Variants in VPS13A observed in about 807,000 individuals in gnomAD.
VPS13A encodes vacuolar protein sorting 13 homolog A.
Under a neutral mutation model 390.9 loss-of-function variants are expected in VPS13A, and 264 were observed. The ratio of observed to expected loss-of-function variants is 0.68; its 90% CI spans 0.61 to 0.75. The LOEUF is 0.75. VPS13A is among the 30% of genes least tolerant of loss of function. The pLI is 0.00. For missense variants in VPS13A, 3,409 were observed against 3,733.9 expected (o/e 0.91, Z 2.27); for synonymous variants, 1,231 against 1,227.1 (o/e 1.00, Z -0.07).
At chr9:77,201,338 T>C (rs374994178) in intron 2 of VPS13A, 27 bp from the exon 3 acceptor site, 14 of 1,504,796 alleles carry the variant, frequency 9.3e-6, no homozygotes, top group Non-Finnish European at 1.3e-5. Flanking sequence ...TACTAATGTT[T>C]TGTGTATATA....
At position 77,339,489 on chromosome 9, in the gene VPS13A, G is replaced by GTTTTTT. The variant is rs765264048; in HGVS notation, c.6379-23_6379-22insTTTTTT. The GTTTTTT allele has an allele frequency of 7.5e-5, 84 of 1,122,182 alleles. 2 individuals carry two copies. The highest frequency in any genetic ancestry group is 3.1e-4 in the South Asian group (18 of 58,946). The allele number at this position is 1,122,182 out of a possible 1,614,324, so 69.5% of individuals were successfully genotyped here. On this transcript the variant is annotated intron_variant, in intron 47 of 71. Transcript: ENST00000360280. The stretch of plus-strand genomic sequence containing the variant: ...ATTATTCTGCAACATTTTAAATTTT[G>GTTTTTT]TTTTGTTTTTTTTTTTTTTATTACA...
At chr9:77,370,723 A>G (rs1472664037) in intron 65 of VPS13A, 145 bp downstream of exon 65, 39 of 1,357,194 alleles carry the variant, frequency 2.9e-5, no homozygotes, top group South Asian at 1.9e-4. Flanking sequence ...CATATAAAAC[A>G]TGTCAGTAGC....
chr9:77,344,500 G>C (rs572507651), intron 51 of VPS13A, among the ~76,000 whole-genome samples: 76 of 152,264 alleles, frequency 5.0e-4, no homozygotes, highest in Non-Finnish European at 1.0e-3. Flanking sequence ...GCTCACGCCT[G>C]TAACACCAGC....
At chr9:77,398,587 A>G (rs1396567832) in intron 68 of VPS13A, among the ~76,000 whole-genome samples, 3 of 152,188 alleles carry the variant, frequency 2.0e-5, no homozygotes, top group Non-Finnish European at 4.4e-5. Context: ...ATGCATTCAT[A>G]AAGTCAGGCA....
Position 77,250,193 on chromosome 9 carries a change from C to A in VPS13A, c.2134C>A (p.Gln712Lys), listed in dbSNP as rs907468674. The A allele has an allele frequency of 6.2e-7, 1 of 1,613,640 alleles. No individual in the cohort carries two copies. The highest frequency in any genetic ancestry group is 8.5e-7 in the Non-Finnish European group (1 of 1,179,880). ...TAGAGCTTATGATTCATTTGATATT[C>A]AACTTACAAGTGTACAGCTGCTTTA... ...MDRAYDSFDI[Q>K]LTSVQLLYSR... is the part of the protein sequence containing the mutation. Residue 712 changes from glutamine (Q) to lysine (K), a missense_variant, in exon 21 of 72, where the codon CAA becomes AAA. This residue lies in a region of VPS13A where 2,717 missense variants were observed against 2,917.4 expected (regional missense o/e 0.93). Coordinates refer to ENST00000360280, the MANE Select transcript of VPS13A (RefSeq NM_033305.3).
chr9:77,373,549 GCATTACCATTCAGGA>G (rs930146369), intron 67 of VPS13A, among the ~76,000 whole-genome samples: 1 of 142,044 alleles, frequency 7.0e-6, no homozygotes, highest in Non-Finnish European at 1.5e-5. Flanking sequence ...GAAAACCTAG[GCATTACCATTCAGGA>G]CATAGGCATG....
Position 77,369,389 on chromosome 9 carries a change from G to A in VPS13A, c.8644G>A (p.Ala2882Thr), listed in dbSNP as rs1832620334. 3 of 1,611,608 alleles carry A rather than the reference G, an allele frequency of 1.9e-6. No individual in the cohort carries two copies. The highest frequency in any genetic ancestry group is 2.5e-6 in the Non-Finnish European group (3 of 1,177,844). ...LIREFSEGVE[A>T]FFYEPYQGAI... is the part of the protein sequence containing the mutation. ...TAGAGAATTTTCTGAAGGTGTAGAA[G>A]CATTTTTTTATGAACCTTACCAGGT... Residue 2882 changes from alanine to threonine, a missense_variant, in exon 63 of 72, where the codon GCA (alanine) becomes ACA (threonine). Physicochemically the swap from Ala to Thr is moderately conservative, Grantham distance 58 (BLOSUM62 0). Transcript: ENST00000360280.
chr9:77,313,377 A>T (rs539527576), intron 35 of VPS13A, among the ~76,000 whole-genome samples: 2 of 152,316 alleles, frequency 1.3e-5, no homozygotes, highest in South Asian at 4.1e-4. Flanking sequence ...CAAATAGTTC[A>T]TATAAGATAC....
chr9:77,182,296 G>A (rs539458103), intron 1 of VPS13A, among the ~76,000 whole-genome samples: 5 of 152,198 alleles, frequency 3.3e-5, no homozygotes, highest in East Asian at 1.9e-4. Flanking sequence ...ATTTCACCAC[G>A]TCAACCAGGC....
At chr9:77,290,105 G>T (rs982236166) in intron 31 of VPS13A, among the ~76,000 whole-genome samples, 4 of 152,054 alleles carry the variant, frequency 2.6e-5, no homozygotes, top group Non-Finnish European at 5.9e-5. Context: ...TATAATGCAG[G>T]TCTGCCAGTA....
At chr9:77,321,140 C>T (rs1309671205) in intron 42 of VPS13A, 29 bp from the exon 43 acceptor site, 2 of 1,595,086 alleles carry the variant, frequency 1.3e-6, no homozygotes, top group South Asian at 1.1e-5. Flanking sequence ...TAGAATTTTT[C>T]CTTATATTTC....
At chr9:77,182,504 C>T (rs1824083586) in intron 1 of VPS13A, among the ~76,000 whole-genome samples, 1 of 152,104 alleles carries the variant, frequency 6.6e-6, no homozygotes, top group Admixed American at 6.5e-5. Context: ...TGGAGTAGGA[C>T]ATGAAAATAT....
Position 77,227,461 on chromosome 9 carries a change from A to G in VPS13A, c.1428A>G (p.Ala476=). The G allele has an allele frequency of 6.2e-7, 1 of 1,613,238 alleles. No homozygotes were observed. The highest frequency in any genetic ancestry group is 8.5e-7 in the Non-Finnish European group (1 of 1,179,412). Residue 476 remains alanine (A), a synonymous_variant, in exon 16 of 72, where the codon GCA becomes GCG. Transcript: ENST00000360280. The part of the protein sequence containing the change: ...LYEAIGYSET[A]VDPTLLKTFE... ...AAGCAATTGGCTATAGTGAAACAGC[A>G]GTTGATCCAACTTTACTAAAAACAG...
Position 77,258,334 on chromosome 9 carries a change from GA to G in VPS13A, c.2289-1750del, listed in dbSNP as rs557128517. 3.3e-3 allele frequency among the ~76,000 whole-genome samples: 499 copies of G among 152,294 alleles called. 3 individuals carry two copies. Among genetic ancestry groups the G allele is most frequent in the Non-Finnish European group, 5.0e-3 (340 of 68,024 alleles). On this transcript the variant is annotated intron_variant, in intron 22 of 71. Transcript: ENST00000360280. ...TAAAGTGTACTAGGAAGAATAGAGG[GA>G]ATTAGAGAGACTCTGGCCTTTTCCT...
intron 31 of VPS13A, among the ~76,000 whole-genome samples, chr9:77,290,109 G>GT (rs1827564204): frequency 1.3e-5 from 2 of 152,220 alleles, no homozygotes; most frequent in South Asian, 4.1e-4. Context: ...ATGCAGGTCT[G>GT]CCAGTAATGA....
intron 13 of VPS13A, among the ~76,000 whole-genome samples, chr9:77,223,215 G>T (rs1039917562): frequency 6.6e-6 from 1 of 152,046 alleles, no homozygotes; most frequent in African/African-American, 2.4e-5. Flanking sequence ...TGACTGTTCT[G>T]CTGACTGGCT....
intron 22 of VPS13A, among the ~76,000 whole-genome samples, chr9:77,256,394 T>C (rs140597600): frequency 1.3e-5 from 2 of 152,160 alleles, no homozygotes; most frequent in Non-Finnish European, 2.9e-5. Context: ...TTTTTGACGC[T>C]TGGTTTTTTA....
At chr9:77,303,163 C>A in intron 34 of VPS13A, 101 bp downstream of exon 34, 2 of 1,217,022 alleles carry the variant, frequency 1.6e-6, no homozygotes, top group Non-Finnish European at 2.4e-6. Flanking sequence ...TATACATAAT[C>A]ACCTTGGTCA....
chr9:77,344,777 T>C (rs1344312302), intron 51 of VPS13A, among the ~76,000 whole-genome samples: 1 of 151,048 alleles, frequency 6.6e-6, no homozygotes, highest in South Asian at 2.1e-4. Context: ...AAAAAAAAAG[T>C]TAGTTGGAAT....
Sources: gnomAD v4.1 joint callset for allele counts (sites outside exome capture counted in the v4.1 genomes callset) on GRCh38, gnomAD v4.1.1 for gene constraint, gnomAD v4.1.1 regional missense constraint, MANE v1.5 for transcripts, NCBI Gene and HGNC (gene_info 2026-07-23, HGNC 2026-07-21) for gene names.